TMEM117: variants seen among roughly 807,000 people sequenced by gnomAD.
TMEM117 encodes the protein transmembrane protein 117.
Under a neutral mutation model 52.4 loss-of-function variants are expected in TMEM117, and 27 were observed. The observed-to-expected ratio is 0.51, with a 90% CI of 0.38 to 0.71. The LOEUF is 0.71. TMEM117 is among the 30% of genes least tolerant of loss of function. TMEM117 has a pLI of 0.00. For synonymous variants in TMEM117, 215 were observed against 206.3 expected, an observed-to-expected ratio of 1.04 and a Z score of -0.36; for missense variants, 556 against 630.5, an observed-to-expected ratio of 0.88 and a Z score of 1.26.
intron 2 of TMEM117, among the ~76,000 whole-genome samples, chr12:43,870,383 C>A (rs1201611937): frequency 6.6e-6 from 1 of 151,744 alleles, no homozygotes; most frequent in Non-Finnish European, 1.5e-5. Flanking sequence ...CTTCAGCCTC[C>A]CGAGTAGCTG....
chr12:44,298,014 T>A lies in TMEM117; in HGVS notation c.609-1566T>A, dbSNP rs185996689. On this transcript the variant is annotated intron_variant, in intron 5 of 7. Transcript: ENST00000266534. ...TTCTTTTGAAAGTTTGCAATTTTAA[T>A]AAAATAATGAGGTTTAATAGGAATG... 5.3e-3 allele frequency among the ~76,000 whole-genome samples: 802 copies of A among 152,184 alleles called. 3 individuals carry two copies. Among genetic ancestry groups the A allele is most frequent in the Non-Finnish European group, 6.1e-3 (417 of 67,994 alleles).
At chr12:44,098,368 C>A (rs575684261) in intron 3 of TMEM117, among the ~76,000 whole-genome samples, 1 of 152,042 alleles carries the variant, frequency 6.6e-6, no homozygotes, top group East Asian at 1.9e-4. Flanking sequence ...AAGACAGAGA[C>A]AGCAGGCATT....
intron 6 of TMEM117, among the ~76,000 whole-genome samples, chr12:44,348,073 G>A (rs2138770726): frequency 6.6e-6 from 1 of 152,014 alleles, no homozygotes; most frequent in South Asian, 2.1e-4. Context: ...AGAAGCTGAG[G>A]GACCTTTAAG....
intron 3 of TMEM117, among the ~76,000 whole-genome samples, chr12:43,979,065 A>G (rs899851936): frequency 6.6e-6 from 1 of 151,548 alleles, no homozygotes; most frequent in East Asian, 1.9e-4. Context: ...GCCTTTTGGG[A>G]TAGAAAACAG....
At chr12:43,850,393 G>T (rs1447959953) in intron 2 of TMEM117, among the ~76,000 whole-genome samples, 2 of 152,320 alleles carry the variant, frequency 1.3e-5, no homozygotes, top group East Asian at 3.9e-4. Flanking sequence ...AGCTATTTAT[G>T]ATCTACTTCT....
intron 1 of TMEM117, 132 bp from the exon 2 acceptor site, chr12:43,844,492 A>G (rs1247077482): frequency 5.2e-6 from 4 of 769,972 alleles, no homozygotes; most frequent in Non-Finnish European, 8.2e-6. Context: ...CTTGTCTTGG[A>G]GCCATGAGTA....
intron 4 of TMEM117, among the ~76,000 whole-genome samples, chr12:44,149,018 T>G (rs556919716): frequency 6.6e-6 from 1 of 152,328 alleles, no homozygotes; most frequent in Non-Finnish European, 1.5e-5. Context: ...ACACTAAATT[T>G]GTTCCCAGAA....
At chr12:43,822,026 T>C in the TMEM117 span, among the ~76,000 whole-genome samples, 4 of 152,330 alleles carry the variant, frequency 2.6e-5, no homozygotes, top group South Asian at 6.2e-4. Context: ...AAGCAAAAGA[T>C]GATGAGTCTC....
intron 1 of TMEM117, among the ~76,000 whole-genome samples, chr12:43,837,595 T>C (rs1943054009): frequency 6.6e-6 from 1 of 152,196 alleles, no homozygotes; most frequent in Non-Finnish European, 1.5e-5. Context: ...TCCGCCCGCC[T>C]TGGCCTCCAG....
At chr12:44,200,833 G>A (rs9738397) in intron 4 of TMEM117, among the ~76,000 whole-genome samples, 1 of 152,106 alleles carries the variant, frequency 6.6e-6, no homozygotes, top group Non-Finnish European at 1.5e-5. Flanking sequence ...GGCACAATGC[G>A]GGTAGAGTGT....
At chr12:43,796,970 G>A in the TMEM117 span, 2 of 1,607,172 alleles carry the variant, frequency 1.2e-6, no homozygotes, top group Non-Finnish European at 1.7e-6. Context: ...AAAATAGGTG[G>A]GCTACCTTTC....
At chr12:44,243,518 T>C (rs1474456806) in intron 5 of TMEM117, among the ~76,000 whole-genome samples, 4 of 151,880 alleles carry the variant, frequency 2.6e-5, no homozygotes, top group Non-Finnish European at 5.9e-5. Flanking sequence ...GTAATAATTA[T>C]ATATATTTAT....
At chr12:43,928,713 T>G (rs1482329809) in intron 2 of TMEM117, among the ~76,000 whole-genome samples, 1 of 150,076 alleles carries the variant, frequency 6.7e-6, no homozygotes, top group Non-Finnish European at 1.5e-5. Flanking sequence ...CATCTAGCAT[T>G]AGGTATATCT....
chr12:44,255,093 A>G (rs980489161), intron 5 of TMEM117, among the ~76,000 whole-genome samples: 1 of 152,160 alleles, frequency 6.6e-6, no homozygotes, highest in African/African-American at 2.4e-5. Context: ...AGTCTTTGCT[A>G]TTGTGAATAG....
intron 2 of TMEM117, among the ~76,000 whole-genome samples, chr12:43,900,528 G>A (rs973579469): frequency 1.3e-5 from 2 of 151,956 alleles, no homozygotes; most frequent in African/African-American, 4.8e-5. Context: ...GATCAGCCTG[G>A]CCAATATGGT....
At chr12:44,186,999 C>G (rs895033185) in intron 4 of TMEM117, among the ~76,000 whole-genome samples, 1 of 152,072 alleles carries the variant, frequency 6.6e-6, no homozygotes, top group Non-Finnish European at 1.5e-5. Flanking sequence ...GTGGGAGAAC[C>G]TGGGAGTATG....
At chr12:44,063,898 A>C (rs1477606327) in intron 3 of TMEM117, among the ~76,000 whole-genome samples, 1 of 152,180 alleles carries the variant, frequency 6.6e-6, no homozygotes, top group Non-Finnish European at 1.5e-5. Context: ...CTGTAAATTA[A>C]TAGGCTTGTT....
chr12:43,856,100 G>A (rs1333248790), intron 2 of TMEM117, among the ~76,000 whole-genome samples: 1 of 152,080 alleles, frequency 6.6e-6, no homozygotes, highest in Admixed American at 6.6e-5. Context: ...GACTACTCAG[G>A]GCAAATGTCA....
intron 4 of TMEM117, among the ~76,000 whole-genome samples, chr12:44,191,116 A>G (rs1412221138): frequency 1.3e-5 from 2 of 152,012 alleles, no homozygotes; most frequent in Non-Finnish European, 2.9e-5. Flanking sequence ...AAGCAAACAC[A>G]TCCTTCTTCA....
Sources: allele counts gnomAD v4.1 joint callset (sites outside exome capture counted in the v4.1 genomes callset), GRCh38; gene constraint gnomAD v4.1.1; transcripts MANE v1.5; gene names NCBI Gene and HGNC (gene_info 2026-07-23, HGNC 2026-07-21).